Variants in HS2ST1 observed in about 807,000 individuals in gnomAD.
HS2ST1 encodes heparan sulfate 2-O-sulfotransferase 1, also known as 2-O-sulfotransferase.
Under a neutral mutation model 42.9 loss-of-function variants are expected in HS2ST1, and 18 were observed. The observed-to-expected ratio is 0.42, with a 90% CI of 0.29 to 0.62. The LOEUF (loss-of-function observed/expected upper bound fraction) is 0.62. Ranked by LOEUF, HS2ST1 falls within the 20% of genes least tolerant of loss-of-function variation. The pLI is 0.21. For synonymous variants in HS2ST1, 146 were observed against 152.9 expected (o/e 0.95, Z 0.33); for missense variants, 334 against 433.8 (o/e 0.77, Z 2.04).
At chr1:87,046,307 A>T (rs1650663923) in intron 1 of HS2ST1, 1 of 731,098 alleles carries the variant, frequency 1.4e-6, no homozygotes, top group East Asian at 2.8e-5. Context: ...CTGACTGTAC[A>T]ATTTGTAACA....
At chr1:86,993,597 A>G (rs1280107881) in intron 1 of HS2ST1, among the ~76,000 whole-genome samples, 1 of 152,224 alleles carries the variant, frequency 6.6e-6, no homozygotes. Context: ...CTATATGGAT[A>G]TATAGGGTTG....
intron 1 of HS2ST1, among the ~76,000 whole-genome samples, chr1:86,933,807 G>A (rs1287729768): frequency 1.3e-5 from 2 of 151,176 alleles, no homozygotes; most frequent in African/African-American, 2.4e-5. Flanking sequence ...CTGGCTAGGA[G>A]TTAGGCTGTG....
intron 1 of HS2ST1, chr1:87,045,815 A>T: frequency 1.3e-6 from 1 of 786,044 alleles, no homozygotes; most frequent in Non-Finnish European, 2.3e-6. Context: ...GGTCATCCTT[A>T]TCCCATGTGA....
intron 1 of HS2ST1, among the ~76,000 whole-genome samples, chr1:86,994,953 G>A (rs10873811): frequency 0.74 from 112,888 of 151,790 alleles, 43,199 homozygotes; most frequent in East Asian, 0.97. Flanking sequence ...CTCTTTTTGT[G>A]GCATTACACT....
Position 86,917,844 on chromosome 1 carries a change from G to A in HS2ST1, c.124+2684G>A, listed in dbSNP as rs900505211. On this transcript the variant is annotated intron_variant, in intron 1 of 6. Coordinates refer to ENST00000370550, the MANE Select transcript of HS2ST1 (RefSeq NM_012262.4). ...TACAAAGGAATTGGTTTAATGTAACGTCTGCCCCTTGTTTAGATTCATGTA... is the reference window on the plus strand; with the variant it reads ...TACAAAGGAATTGGTTTAATGTAACATCTGCCCCTTGTTTAGATTCATGTA... Among the ~76,000 whole-genome samples the A allele has an allele frequency of 3.3e-5, 5 of 152,240 alleles. No individual in the cohort carries two copies. The East Asian group carries it at 5.8e-4, about 18-fold the overall frequency.
chr1:87,061,325 C>T (rs1651116108), intron 1 of HS2ST1, among the ~76,000 whole-genome samples: 1 of 152,016 alleles, frequency 6.6e-6, no homozygotes, highest in Non-Finnish European at 1.5e-5. Flanking sequence ...CAATATTGTA[C>T]AAGCACCATC....
At chr1:87,084,860 C>G (rs937089374) in intron 3 of HS2ST1, among the ~76,000 whole-genome samples, 2 of 149,730 alleles carry the variant, frequency 1.3e-5, no homozygotes, top group Non-Finnish European at 3.0e-5. Flanking sequence ...CACTCACTCA[C>G]TCACTCACTC....
At chr1:87,084,323 T>C in intron 3 of HS2ST1, 44 bp downstream of exon 3, 3 of 1,042,590 alleles carry the variant, frequency 2.9e-6, no homozygotes, top group Non-Finnish European at 2.9e-6. Flanking sequence ...CTTTGTACTC[T>C]AGTAACCTAA....
intron 1 of HS2ST1, among the ~76,000 whole-genome samples, chr1:86,963,773 G>A (rs1471143656): frequency 7.3e-6 from 1 of 137,254 alleles, no homozygotes; most frequent in African/African-American, 2.9e-5. Flanking sequence ...GGACGGGGCA[G>A]CTGGCCGGGT....
At chr1:87,033,044 A>G (rs1055769335) in intron 1 of HS2ST1, among the ~76,000 whole-genome samples, 1 of 152,240 alleles carries the variant, frequency 6.6e-6, no homozygotes, top group African/African-American at 2.4e-5. Context: ...TTAAAAAATA[A>G]TAATGATAAA....
chr1:87,011,852 T>C (rs1649605986), intron 1 of HS2ST1, among the ~76,000 whole-genome samples: 1 of 152,266 alleles, frequency 6.6e-6, no homozygotes, highest in Non-Finnish European at 1.5e-5. Context: ...ATTGTAACTT[T>C]CTTCTTTATG....
chr1:87,062,286 T>C (rs1651137911), intron 1 of HS2ST1, among the ~76,000 whole-genome samples: 1 of 152,130 alleles, frequency 6.6e-6, no homozygotes, highest in Admixed American at 6.5e-5. Context: ...TCTGCATTCC[T>C]GTGGGTTACT....
At position 87,105,742 on chromosome 1, in the gene HS2ST1, C is replaced by T. The variant is rs941856784; in HGVS notation, c.*1046C>T. 1 of 152,468 alleles carries T rather than the reference C, an allele frequency of 6.6e-6. No homozygotes were observed. The highest frequency in any genetic ancestry group is 6.6e-5 in the Admixed American group (1 of 15,250). The allele number at this position is 152,468 out of a possible 1,614,324, so 9.4% of individuals were successfully genotyped here. ...TGCACCAATTTTATGTCAAGTAAAA[C>T]CATCAGACCTACTGTTCTTGTATTT... On this transcript the variant is annotated 3_prime_UTR_variant, in exon 7 of 7. Transcript: ENST00000370550.
chr1:86,978,861 C>CTTTT (rs55812524), intron 1 of HS2ST1, among the ~76,000 whole-genome samples: 1,776 of 98,542 alleles, frequency 0.018, 62 homozygotes, highest in East Asian at 0.026. Context: ...ACTTGTGAAT[C>CTTTT]TTTTTTTTTT....
intron 1 of HS2ST1, among the ~76,000 whole-genome samples, chr1:86,954,472 CTT>C (rs2102190294): frequency 6.6e-6 from 1 of 152,342 alleles, no homozygotes; most frequent in East Asian, 1.9e-4. Flanking sequence ...TTGAGAATAA[CTT>C]ATCCATGCTC....
intron 1 of HS2ST1, among the ~76,000 whole-genome samples, chr1:87,042,305 A>G (rs1319208741): frequency 6.6e-6 from 1 of 152,154 alleles, no homozygotes; most frequent in East Asian, 1.9e-4. Context: ...TGCTATGCAG[A>G]AACTTTTTAG....
rs140293954 is a variant in HS2ST1, at chr1:87,109,574, C to T, written c.*4878C>T. ...CACACATTTCTGATTTTTTTTTTCC[C>T]CCTTAAAGAAGAAAGTCTCAATTCC... On this transcript the variant is annotated 3_prime_UTR_variant, in exon 7 of 7. Transcript: ENST00000370550. 1.3e-5 allele frequency: 2 copies of T among 151,458 alleles called. No individual in the cohort carries two copies. Among genetic ancestry groups the T allele is most frequent in the African/African-American group, 4.8e-5 (2 of 41,356 alleles). The allele number at this position is 151,458 out of a possible 1,614,324, so 9.4% of individuals were successfully genotyped here.
chr1:87,061,592 T>C (rs777787826), intron 1 of HS2ST1, among the ~76,000 whole-genome samples: 4 of 152,338 alleles, frequency 2.6e-5, no homozygotes, highest in Non-Finnish European at 5.9e-5. Context: ...TATAGTTGCA[T>C]AATATTCTAT....
rs542375216 is a variant in HS2ST1, at chr1:87,055,017, C to T, written c.125-17917C>T. Among the ~76,000 whole-genome samples, 5 of 152,312 alleles carry T rather than the reference C, an allele frequency of 3.3e-5. No individual in the cohort carries two copies. The East Asian group carries it at 9.6e-4, about 29-fold the overall frequency. On this transcript the variant is annotated intron_variant, in intron 1 of 6. Transcript: ENST00000370550. ...AATCATTTCCCTGCATTCCCTTTCT[C>T]TAAAAACTCAAACACATAAATATCT... is the stretch of plus-strand genomic sequence containing the variant.
Sources: allele counts gnomAD v4.1 joint callset (sites outside exome capture counted in the v4.1 genomes callset), GRCh38; gene constraint gnomAD v4.1.1; transcripts MANE v1.5; gene names NCBI Gene and HGNC (gene_info 2026-07-23, HGNC 2026-07-21).